UBE2E2: variants seen among roughly 807,000 people sequenced by gnomAD.
UBE2E2 encodes ubiquitin-conjugating enzyme E2 E2.
In UBE2E2, 6 loss-of-function variants were observed where a neutral mutation model predicts 24.7. The ratio of observed to expected loss-of-function variants is 0.24; its 90% CI spans 0.13 to 0.48. UBE2E2 has a LOEUF of 0.48. UBE2E2 is among the 20% of genes least tolerant of loss of function. UBE2E2 has a pLI of 0.99. For synonymous variants in UBE2E2, 104 were observed against 83.6 expected, an observed-to-expected ratio of 1.24 and a Z score of -1.33; for missense variants, 169 against 245.0, an observed-to-expected ratio of 0.69 and a Z score of 2.07.
chr3:23,443,969 A>G (rs1698365169), intron 3 of UBE2E2, among the ~76,000 whole-genome samples: 1 of 152,136 alleles, frequency 6.6e-6, no homozygotes, highest in Non-Finnish European at 1.5e-5. Flanking sequence ...GGACAGTTAG[A>G]GAAACAAATT....
chr3:23,388,645 C>T (rs1696863660), intron 3 of UBE2E2, among the ~76,000 whole-genome samples: 2 of 152,122 alleles, frequency 1.3e-5, no homozygotes, highest in African/African-American at 2.4e-5. Context: ...ATTTCTTTGA[C>T]ATCAGCTTCC....
intron 3 of UBE2E2, among the ~76,000 whole-genome samples, chr3:23,380,100 A>C (rs970451602): frequency 5.3e-5 from 8 of 150,820 alleles, no homozygotes; most frequent in Non-Finnish European, 1.0e-4. Context: ...AAAAAAAAAA[A>C]AAAACCCTGA....
intron 3 of UBE2E2, chr3:23,271,127 G>GTATTC: frequency 2.3e-6 from 1 of 431,640 alleles, no homozygotes. Flanking sequence ...TCAGAAACTT[G>GTATTC]TATTCTAATG....
At chr3:23,563,519 G>A (rs1185179036) in intron 5 of UBE2E2, among the ~76,000 whole-genome samples, 1 of 152,152 alleles carries the variant, frequency 6.6e-6, no homozygotes, top group East Asian at 1.9e-4. Flanking sequence ...ATAGGTGTGT[G>A]GTGCTGAGAA....
chr3:23,269,638 C>A (rs1328201162), intron 3 of UBE2E2, among the ~76,000 whole-genome samples: 1 of 152,190 alleles, frequency 6.6e-6, no homozygotes, highest in East Asian at 1.9e-4. Context: ...ATCTCAACTA[C>A]TCTGGGCACC....
intron 3 of UBE2E2, among the ~76,000 whole-genome samples, chr3:23,400,607 A>AACACACACAC (rs3087043): frequency 0.1 from 14,144 of 137,676 alleles, 813 homozygotes; most frequent in African/African-American, 0.16. Context: ...GAATAAATGA[A>AACACACACAC]ACACACACAC....
chr3:23,443,524 T>G (rs1575633296), intron 3 of UBE2E2, among the ~76,000 whole-genome samples: 1 of 152,186 alleles, frequency 6.6e-6, no homozygotes, highest in African/African-American at 2.4e-5. Flanking sequence ...TTAGTTTCTG[T>G]CTCCCATTGG....
At chr3:23,271,053 A>G in intron 3 of UBE2E2, 2 of 456,292 alleles carry the variant, frequency 4.4e-6, no homozygotes, top group Non-Finnish European at 8.8e-6. Flanking sequence ...ACTATGACTA[A>G]CATACACTAG....
intron 3 of UBE2E2, among the ~76,000 whole-genome samples, chr3:23,363,411 A>G (rs1386358340): frequency 6.6e-6 from 1 of 152,234 alleles, no homozygotes; most frequent in Non-Finnish European, 1.5e-5. Flanking sequence ...CTCATCTCAC[A>G]TGCAATGACA....
At chr3:23,572,691 C>T (rs759350001) in intron 5 of UBE2E2, among the ~76,000 whole-genome samples, 55 of 152,126 alleles carry the variant, frequency 3.6e-4, no homozygotes, top group Admixed American at 7.2e-4. Context: ...CAGCTGCATC[C>T]ATGTTGCTGC....
At chr3:23,522,556 T>C (rs900636799) in intron 4 of UBE2E2, among the ~76,000 whole-genome samples, 1 of 152,212 alleles carries the variant, frequency 6.6e-6, no homozygotes, top group African/African-American at 2.4e-5. Context: ...GAGTTTTGTT[T>C]AATTTCTGAA....
chr3:23,473,430 A>T (rs59235066), intron 3 of UBE2E2, among the ~76,000 whole-genome samples: 54,530 of 151,154 alleles, frequency 0.36, 10,456 homozygotes, highest in East Asian at 0.55. Context: ...AGTGAAAAAA[A>T]TTTTTTTGTA....
At chr3:23,537,710 A>G (rs941674200) in intron 5 of UBE2E2, among the ~76,000 whole-genome samples, 1 of 152,154 alleles carries the variant, frequency 6.6e-6, no homozygotes, top group African/African-American at 2.4e-5. Context: ...AATGAAAACA[A>G]TTCTTATTCA....
chr3:23,529,625 A>G (rs962291550), intron 4 of UBE2E2, among the ~76,000 whole-genome samples: 3 of 152,188 alleles, frequency 2.0e-5, no homozygotes, highest in African/African-American at 7.2e-5. Flanking sequence ...GTGGTTGCCA[A>G]TAATATTATT....
chr3:23,531,010 A>G (rs1695111086), intron 4 of UBE2E2, among the ~76,000 whole-genome samples: 2 of 152,124 alleles, frequency 1.3e-5, no homozygotes, highest in East Asian at 1.9e-4. Context: ...TTTCTTCAAC[A>G]TTTCTAGGCA....
At chr3:23,300,610 T>C (rs1380071396) in intron 3 of UBE2E2, among the ~76,000 whole-genome samples, 4 of 152,200 alleles carry the variant, frequency 2.6e-5, no homozygotes, top group African/African-American at 9.7e-5. Context: ...TGAATATTGG[T>C]CCCCACTGTC....
chr3:23,295,884 G>A (rs936177431), intron 3 of UBE2E2, among the ~76,000 whole-genome samples: 1 of 152,080 alleles, frequency 6.6e-6, no homozygotes, highest in Non-Finnish European at 1.5e-5. Flanking sequence ...GGAGGGATTG[G>A]AGCAGATGTC....
intron 3 of UBE2E2, among the ~76,000 whole-genome samples, chr3:23,491,802 G>A (rs1395536819): frequency 6.6e-6 from 1 of 152,204 alleles, no homozygotes; most frequent in Non-Finnish European, 1.5e-5. Flanking sequence ...TTGGTAAACA[G>A]ATTGGAGGGA....
At chr3:23,552,780 A>G (rs554061701) in intron 5 of UBE2E2, among the ~76,000 whole-genome samples, 3 of 152,322 alleles carry the variant, frequency 2.0e-5, no homozygotes, top group South Asian at 2.1e-4. Flanking sequence ...ATGCTATTCA[A>G]CTACCATTCA....
Sources: allele counts gnomAD v4.1 joint callset (sites outside exome capture counted in the v4.1 genomes callset), GRCh38; gene constraint gnomAD v4.1.1; transcripts MANE v1.5; gene names NCBI Gene and HGNC (gene_info 2026-07-23, HGNC 2026-07-21).